ATP8A2: variants seen among roughly 807,000 people sequenced by gnomAD.
ATP8A2 encodes phospholipid-transporting ATPase IB.
Under a neutral mutation model 165.6 loss-of-function variants are expected in ATP8A2, and 100 were observed. The observed-to-expected ratio is 0.60, with a 90% CI of 0.51 to 0.71. The LOEUF (loss-of-function observed/expected upper bound fraction) is 0.71, where lower values mean the gene tolerates loss of function less well. Ranked by LOEUF, ATP8A2 falls within the 30% of genes least tolerant of loss-of-function variation. The probability of loss-of-function intolerance (pLI) is 0.00; values close to 1 mark genes in which losing one functional copy is unlikely to be tolerated. For synonymous variants in ATP8A2, 543 were observed against 548.8 expected (o/e 0.99, Z 0.15); for missense variants, 1,227 against 1,479.5 (o/e 0.83, Z 2.80).
intron 2 of ATP8A2, among the ~76,000 whole-genome samples, chr13:25,500,436 A>C (rs1343747320): frequency 6.6e-6 from 1 of 152,258 alleles, no homozygotes. Flanking sequence ...CAATTAAAAC[A>C]ATGCATTAGT....
chr13:25,655,421 A>G (rs2041907020), intron 24 of ATP8A2, among the ~76,000 whole-genome samples: 2 of 152,180 alleles, frequency 1.3e-5, no homozygotes, highest in Admixed American at 1.3e-4. Context: ...GGCCTCCCAA[A>G]GTTTTGGGAT....
intron 33 of ATP8A2, among the ~76,000 whole-genome samples, chr13:25,893,858 A>AGT (rs1953455095): frequency 6.6e-6 from 1 of 152,124 alleles, no homozygotes; most frequent in Admixed American, 6.5e-5. Flanking sequence ...TCTTTTGAGA[A>AGT]GTGTCTGTTC....
rs139151747 is a variant in ATP8A2, at chr13:25,954,548, A to G, written c.3184-7027A>G. Among the ~76,000 whole-genome samples the G allele has an allele frequency of 4.3e-3, 661 of 152,268 alleles. 7 individuals carry two copies. Among genetic ancestry groups the G allele is most frequent in the African/African-American group, 0.015 (629 of 41,572 alleles). ...CTCCTCAAGTGGATTCCTGACCCCT[A>G]TGCCTCCTGACTGGGAGACACCACC... On this transcript the variant is annotated intron_variant, in intron 33 of 36. Transcript: ENST00000381655.
At chr13:25,918,343 G>C (rs965568982) in intron 33 of ATP8A2, among the ~76,000 whole-genome samples, 1 of 152,200 alleles carries the variant, frequency 6.6e-6, no homozygotes, top group African/African-American at 2.4e-5. Context: ...GCCAAAGTGT[G>C]ATAGTTGTTG....
chr13:25,701,089 C>A (rs1472177364), intron 25 of ATP8A2, among the ~76,000 whole-genome samples: 2 of 152,142 alleles, frequency 1.3e-5, no homozygotes, highest in African/African-American at 4.8e-5. Context: ...ACTCTGGATA[C>A]AAGTATCTCA....
chr13:25,855,229 C>T (rs559551574), intron 30 of ATP8A2, among the ~76,000 whole-genome samples: 9 of 148,352 alleles, frequency 6.1e-5, no homozygotes, highest in South Asian at 2.1e-4. Context: ...CCAGCCTGGG[C>T]GACAGAGTAA....
At chr13:25,485,940 C>A (rs2036338936) in intron 2 of ATP8A2, among the ~76,000 whole-genome samples, 1 of 151,838 alleles carries the variant, frequency 6.6e-6, no homozygotes, top group African/African-American at 2.4e-5. Flanking sequence ...CTCCTATACT[C>A]AACAAAAATT....
intron 2 of ATP8A2, among the ~76,000 whole-genome samples, chr13:25,515,146 A>G (rs773577496): frequency 6.6e-6 from 1 of 152,178 alleles, no homozygotes; most frequent in Non-Finnish European, 1.5e-5. Context: ...CTGGCACATT[A>G]GCTTTTCCCG....
chr13:25,417,882 C>T (rs2034179736), intron 1 of ATP8A2, among the ~76,000 whole-genome samples: 1 of 152,198 alleles, frequency 6.6e-6, no homozygotes, highest in African/African-American at 2.4e-5. Flanking sequence ...ACAGTGGACA[C>T]AGTATGCAGT....
At chr13:25,909,128 G>A (rs759728692) in intron 33 of ATP8A2, among the ~76,000 whole-genome samples, 42 of 152,066 alleles carry the variant, frequency 2.8e-4, no homozygotes, top group Non-Finnish European at 4.9e-4. Flanking sequence ...TGGTCAATGG[G>A]TACAGAATTC....
At chr13:25,487,512 T>C (rs1020007985) in intron 2 of ATP8A2, among the ~76,000 whole-genome samples, 2 of 152,210 alleles carry the variant, frequency 1.3e-5, no homozygotes, top group African/African-American at 2.4e-5. Flanking sequence ...TGAGGCACTT[T>C]AAACAGCACC....
chr13:25,372,131 C>T lies in ATP8A2; in HGVS notation c.-82C>T, dbSNP rs1377089663. On this transcript the variant is annotated 5_prime_UTR_variant, in exon 1 of 37. Transcript: ENST00000381655. The surrounding 1 kb of genome is among the most constrained non-coding windows in gnomAD (Gnocchi z 4.8). ...GCGAGGCGCTGGCCCACCCATGGTCCTCGGGCGGCGGCCCCTGCGCCCAGC... is the reference window on the plus strand; with the variant it reads ...GCGAGGCGCTGGCCCACCCATGGTCTTCGGGCGGCGGCCCCTGCGCCCAGC... The T allele has an allele frequency of 2.0e-6, 2 of 1,021,674 alleles. No homozygotes were observed. Among genetic ancestry groups the T allele is most frequent in the South Asian group, 3.4e-5 (1 of 29,756 alleles). 63.3% of individuals were successfully genotyped at this position (1,021,674 alleles called of 1,614,324 possible). A position where few individuals can be genotyped will look rare whatever the true frequency, so the allele number is the denominator to read the frequency against.
At chr13:25,861,198 A>C (rs889700302) in intron 32 of ATP8A2, among the ~76,000 whole-genome samples, 1 of 152,160 alleles carries the variant, frequency 6.6e-6, no homozygotes, top group African/African-American at 2.4e-5. Flanking sequence ...TACCACCAAG[A>C]GACAGTCACT....
At chr13:25,925,131 T>A (rs1201568949) in intron 33 of ATP8A2, among the ~76,000 whole-genome samples, 1 of 152,208 alleles carries the variant, frequency 6.6e-6, no homozygotes, top group South Asian at 2.1e-4. Flanking sequence ...TTCTTTTTTT[T>A]AATAAGTGAT....
At chr13:25,583,459 G>A (rs1033460817) in intron 23 of ATP8A2, among the ~76,000 whole-genome samples, 3 of 152,038 alleles carry the variant, frequency 2.0e-5, no homozygotes, top group East Asian at 1.9e-4. Flanking sequence ...GAGCGTTCCC[G>A]CTGGCCTAAT....
At chr13:25,550,918 A>G (rs116102895) in intron 10 of ATP8A2, among the ~76,000 whole-genome samples, 1,716 of 152,332 alleles carry the variant, frequency 0.011, 31 homozygotes, top group African/African-American at 0.038. Flanking sequence ...TATTTATTGC[A>G]GAGCTGTGCT....
intron 25 of ATP8A2, among the ~76,000 whole-genome samples, chr13:25,736,512 G>A (rs879864158): frequency 1.3e-5 from 2 of 152,202 alleles, no homozygotes; most frequent in Admixed American, 6.5e-5. Flanking sequence ...GGCATGATTC[G>A]TTGGAGACAT....
intron 24 of ATP8A2, among the ~76,000 whole-genome samples, chr13:25,635,945 C>T (rs892591498): frequency 1.3e-5 from 2 of 152,152 alleles, no homozygotes; most frequent in African/African-American, 4.8e-5. Context: ...CAGCGCACCC[C>T]CTCCTGTTCT....
chr13:25,561,243 A>T (rs1413274139), intron 15 of ATP8A2, among the ~76,000 whole-genome samples: 1 of 151,896 alleles, frequency 6.6e-6, no homozygotes, highest in African/African-American at 2.4e-5. Flanking sequence ...GTGTCTTTGT[A>T]TTATTTCTGT....
Sources: allele counts gnomAD v4.1 joint callset (sites outside exome capture counted in the v4.1 genomes callset), GRCh38; gene constraint gnomAD v4.1.1; non-coding constraint Gnocchi (gnomAD v3.1); transcripts MANE v1.5; gene names NCBI Gene and HGNC (gene_info 2026-07-23, HGNC 2026-07-21).